The following NELL1 variants were observed in gnomAD, a reference collection of about 807,000 sequenced individuals.
The protein encoded by NELL1 is protein kinase C-binding protein NELL1.
NELL1 carries 76 observed loss-of-function variants against 107.4 expected under a neutral mutation model. The ratio of observed to expected loss-of-function variants is 0.71; its 90% confidence interval spans 0.59 to 0.86. The LOEUF (loss-of-function observed/expected upper bound fraction) is 0.86. NELL1 is among the 40% of genes least tolerant of loss of function. The probability of loss-of-function intolerance (pLI) is 0.00; values close to 1 mark genes in which losing one functional copy is unlikely to be tolerated. For missense variants in NELL1, 1,024 were observed against 1,005.5 expected, an observed-to-expected ratio of 1.02 and a Z score of -0.25; for synonymous variants, 353 against 341.2, an observed-to-expected ratio of 1.03 and a Z score of -0.38.
intron 15 of NELL1, among the ~76,000 whole-genome samples, chr11:21,519,932 T>C (rs769081937): frequency 3.3e-5 from 5 of 152,148 alleles, no homozygotes; most frequent in African/African-American, 7.2e-5. Flanking sequence ...GTTCATAAGA[T>C]GACATTGACA....
intron 15 of NELL1, among the ~76,000 whole-genome samples, chr11:21,395,948 G>A (rs2133789932): frequency 6.6e-6 from 1 of 151,598 alleles, no homozygotes; most frequent in East Asian, 2.0e-4. Flanking sequence ...GGGATGACAT[G>A]TAACCTAGAG....
At chr11:21,450,597 G>A (rs1436579757) in intron 15 of NELL1, among the ~76,000 whole-genome samples, 1 of 152,124 alleles carries the variant, frequency 6.6e-6, no homozygotes, top group Non-Finnish European at 1.5e-5. Flanking sequence ...TTTAAAAATA[G>A]AAAATATACT....
At chr11:21,284,929 A>C (rs1267608843) in intron 14 of NELL1, 2 of 216,028 alleles carry the variant, frequency 9.3e-6, no homozygotes, top group Non-Finnish European at 1.9e-5. Context: ...ATCATAGACC[A>C]CATTTGAAAT....
At chr11:21,200,078 T>C (rs1857234897) in intron 13 of NELL1, among the ~76,000 whole-genome samples, 1 of 152,132 alleles carries the variant, frequency 6.6e-6, no homozygotes, top group Non-Finnish European at 1.5e-5. Flanking sequence ...CAAGTCTTTG[T>C]TATTGTGAAC....
intron 6 of NELL1, among the ~76,000 whole-genome samples, chr11:20,919,039 A>G (rs1850320802): frequency 6.6e-6 from 1 of 151,948 alleles, no homozygotes; most frequent in Non-Finnish European, 1.5e-5. Context: ...TTTTTAGTTA[A>G]CAATGCCTTT....
chr11:20,880,747 G>A (rs1352584406), intron 4 of NELL1, among the ~76,000 whole-genome samples: 2 of 152,192 alleles, frequency 1.3e-5, no homozygotes, highest in Non-Finnish European at 1.5e-5. Context: ...ATAGAGTCCA[G>A]TTGGGTGTGT....
At chr11:21,054,707 ATGCATATTATGCAT>A (rs1426690231) in intron 12 of NELL1, among the ~76,000 whole-genome samples, 1 of 152,072 alleles carries the variant, frequency 6.6e-6, no homozygotes, top group Non-Finnish European at 1.5e-5. Context: ...ACATTTTTGT[ATGCATATTATGCAT>A]TTTATTTCTT....
At position 20,681,247 on chromosome 11, in the gene NELL1, T is replaced by A. The variant is rs536769724; in HGVS notation, c.184+3187T>A. 5.3e-5 allele frequency among the ~76,000 whole-genome samples: 8 copies of A among 152,252 alleles called. 1 individual carries two copies. The East Asian group carries it at 1.5e-3, about 29-fold the overall frequency. The stretch of plus-strand genomic sequence containing the variant: ...CTTCTCTCAATCCCTTACTTTTCTC[T>A]CACATTTTGCCATAAATAGCAAGAA... On this transcript the variant is annotated intron_variant, in intron 2 of 19. Transcript: ENST00000357134.
At chr11:21,138,809 T>C (rs1855800196) in intron 13 of NELL1, among the ~76,000 whole-genome samples, 1 of 152,210 alleles carries the variant, frequency 6.6e-6, no homozygotes, top group African/African-American at 2.4e-5. Context: ...AAACCGTGAC[T>C]CATGGAGGGG....
chr11:21,035,350 A>T (rs968336038), intron 12 of NELL1, among the ~76,000 whole-genome samples: 1 of 152,016 alleles, frequency 6.6e-6, no homozygotes, highest in Non-Finnish European at 1.5e-5. Flanking sequence ...ATCGAGGAGG[A>T]AGGACTCTTC....
chr11:21,526,682 A>G (rs1402010496), intron 15 of NELL1, among the ~76,000 whole-genome samples: 1 of 152,178 alleles, frequency 6.6e-6, no homozygotes, highest in Non-Finnish European at 1.5e-5. Flanking sequence ...CCACAGGCTC[A>G]ACACCACATT....
chr11:21,028,627 G>T (rs1238003955), intron 12 of NELL1, among the ~76,000 whole-genome samples: 4 of 152,010 alleles, frequency 2.6e-5, no homozygotes, highest in Non-Finnish European at 4.4e-5. Flanking sequence ...CCTATCAGTT[G>T]TATCCATGCT....
rs1445392262 is a variant in NELL1 at position 20,674,509 on chromosome 11, GT to G, written c.56-3422del. The G allele has an allele frequency of 1.7e-5, 26 of 1,535,980 alleles. No homozygotes were observed. In the Admixed American group the frequency reaches 1.8e-4, roughly 10 times the overall value. On this transcript the variant is annotated intron_variant, in intron 1 of 19. Transcript: ENST00000357134. ...TACAGCAGAAGATATGAAGCCACCC[GT>G]GTTATCGCTGATATGGAGAACTAGA...
chr11:21,128,176 T>C (rs1183557433), intron 13 of NELL1, among the ~76,000 whole-genome samples: 1 of 152,164 alleles, frequency 6.6e-6, no homozygotes, highest in Non-Finnish European at 1.5e-5. Context: ...TTAATAAATA[T>C]CGTGATGTTT....
chr11:21,134,904 C>A (rs1189404544), intron 13 of NELL1, among the ~76,000 whole-genome samples: 1 of 152,168 alleles, frequency 6.6e-6, no homozygotes, highest in Non-Finnish European at 1.5e-5. Context: ...GAAGTTTAAT[C>A]TCTCATTTGT....
chr11:20,973,078 C>A (rs1851532473), intron 12 of NELL1, among the ~76,000 whole-genome samples: 1 of 150,592 alleles, frequency 6.6e-6, no homozygotes, highest in South Asian at 2.1e-4. Flanking sequence ...TATTAGAGTG[C>A]CTATCAAACA....
chr11:21,371,115 C>T (rs1266107211), intron 15 of NELL1, among the ~76,000 whole-genome samples, 167 bp downstream of exon 15: 1 of 152,056 alleles, frequency 6.6e-6, no homozygotes, highest in African/African-American at 2.4e-5. Flanking sequence ...TTAAAAGCCT[C>T]CCACTCTCTG....
At chr11:20,996,816 G>A (rs745817112) in intron 12 of NELL1, among the ~76,000 whole-genome samples, 3 of 151,890 alleles carry the variant, frequency 2.0e-5, no homozygotes, top group African/African-American at 7.3e-5. Context: ...TTATCTTCCC[G>A]ATTTACCCAT....
chr11:21,459,214 G>A (rs1206787350), intron 15 of NELL1, among the ~76,000 whole-genome samples: 1 of 151,972 alleles, frequency 6.6e-6, no homozygotes, highest in Non-Finnish European at 1.5e-5. Context: ...TGGTTTAATG[G>A]TACTGAGGGT....
Sources: gnomAD v4.1 joint callset for allele counts (sites outside exome capture counted in the v4.1 genomes callset) on GRCh38, gnomAD v4.1.1 for gene constraint, MANE v1.5 for transcripts, NCBI Gene and HGNC (gene_info 2026-07-23, HGNC 2026-07-21) for gene names.